PPM1B: variants seen among roughly 807,000 people sequenced by gnomAD.
PPM1B encodes the protein protein phosphatase, Mg2+/Mn2+ dependent 1B, also known as protein phosphatase 1B.
PPM1B carries 22 observed loss-of-function variants against 43.0 expected under a neutral mutation model. That is an observed-to-expected ratio of 0.51 (90% CI 0.37 to 0.73). PPM1B has a LOEUF of 0.73. PPM1B is among the 30% of genes least tolerant of loss of function. The probability of loss-of-function intolerance (pLI) is 0.00; values close to 1 mark genes in which losing one functional copy is unlikely to be tolerated. For synonymous variants in PPM1B, 217 were observed against 197.9 expected (o/e 1.10, Z -0.81); for missense variants, 632 against 584.2 (o/e 1.08, Z -0.84).
downstream of PPM1B, chr2:44,234,699 C>A: frequency 2.6e-6 from 2 of 760,072 alleles, no homozygotes; most frequent in South Asian, 5.9e-5. Flanking sequence ...CACTTATACT[C>A]TTACAAATTG....
intron 1 of PPM1B, among the ~76,000 whole-genome samples, chr2:44,196,520 C>T (rs923261748): frequency 1.3e-5 from 2 of 152,166 alleles, no homozygotes; most frequent in South Asian, 2.1e-4. Flanking sequence ...TTCTCTCCCT[C>T]GTTTTCATTT....
intron 1 of PPM1B, among the ~76,000 whole-genome samples, chr2:44,196,063 A>T (rs1240102463): frequency 1.3e-5 from 2 of 152,224 alleles, no homozygotes; most frequent in African/African-American, 4.8e-5. Flanking sequence ...AGAACTGTCC[A>T]CTTGAACCCT....
In PPM1B at chr2:44,216,666, G is replaced by A. The variant is rs1669732972; in HGVS notation, c.965-1301G>A. On this transcript the variant is annotated intron_variant, in intron 3 of 5. Transcript: ENST00000282412. ...TTCATAGCTGGGCGTGGTGGCTCAG[G>A]CCTCTAATCCCAGCATTTTGAGAGG... is the stretch of plus-strand genomic sequence containing the variant. Among the ~76,000 whole-genome samples, 3 of 152,138 alleles carry A rather than the reference G, an allele frequency of 2.0e-5. No individual in the cohort carries two copies. The South Asian group carries it at 6.2e-4, about 31-fold the overall frequency.
intron 3 of PPM1B, among the ~76,000 whole-genome samples, chr2:44,216,035 G>C (rs1436294948): frequency 6.6e-6 from 1 of 152,118 alleles, no homozygotes; most frequent in African/African-American, 2.4e-5. Flanking sequence ...GTTTGTAGGA[G>C]GCATATCATG....
chr2:44,176,437 C>G (rs1050583820), intron 1 of PPM1B, among the ~76,000 whole-genome samples: 1 of 152,154 alleles, frequency 6.6e-6, no homozygotes, highest in Non-Finnish European at 1.5e-5. Flanking sequence ...GCTAATGGAG[C>G]CAATTTGTCT....
At chr2:44,235,198 C>T (rs1172856225), downstream of PPM1B, among the ~76,000 whole-genome samples, 2 of 152,136 alleles carry the variant, frequency 1.3e-5, no homozygotes, top group Non-Finnish European at 2.9e-5. Flanking sequence ...TTGAATGGAC[C>T]TTCTGGCTAT....
chr2:44,244,163 C>T, intron 5 of PPM1B: 3 of 856,708 alleles, frequency 3.5e-6, no homozygotes, highest in Non-Finnish European at 4.4e-6. Flanking sequence ...TTACCAACCC[C>T]AATCCTGCAA....
Position 44,214,944 on chromosome 2 carries a change from T to G in PPM1B, c.965-3023T>G, listed in dbSNP as rs1157633664. ...CAGCAAACTGTAACTTTATATGAAC[T>G]CTTAACTTCTGTAATAGCCACATTT... On this transcript the variant is annotated intron_variant, in intron 3 of 5. Coordinates refer to ENST00000282412, the MANE Select transcript of PPM1B (RefSeq NM_002706.6). Among the ~76,000 whole-genome samples, 7 of 152,348 alleles carry G rather than the reference T, an allele frequency of 4.6e-5. No homozygotes were observed. The South Asian group carries it at 1.4e-3, about 32-fold the overall frequency.
intron 5 of PPM1B, among the ~76,000 whole-genome samples, chr2:44,221,952 AC>A (rs1482752374): frequency 6.6e-6 from 1 of 152,120 alleles, no homozygotes; most frequent in Non-Finnish European, 1.5e-5. Flanking sequence ...CCATCTTCTT[AC>A]CACAAACAAT....
chr2:44,202,220 G>C (rs934756482), intron 2 of PPM1B, among the ~76,000 whole-genome samples, 175 bp downstream of exon 2: 2 of 152,112 alleles, frequency 1.3e-5, no homozygotes, highest in African/African-American at 4.8e-5. Context: ...GTTTGTCCCA[G>C]CCTTCTAATT....
At chr2:44,227,518 C>CTTTTT (rs397964846) in intron 5 of PPM1B, among the ~76,000 whole-genome samples, 1 of 138,976 alleles carries the variant, frequency 7.2e-6, no homozygotes. Context: ...ACAGTATCAT[C>CTTTTT]TTTTTTTTTT....
intron 1 of PPM1B, among the ~76,000 whole-genome samples, chr2:44,186,346 A>G (rs977285551): frequency 6.6e-6 from 1 of 152,164 alleles, no homozygotes; most frequent in Non-Finnish European, 1.5e-5. Context: ...ATAGAAGCAC[A>G]TTATTTTAAA....
In PPM1B at chr2:44,201,390, G is replaced by C; in HGVS notation, c.191G>C (p.Gly64Ala). 1 of 1,614,108 alleles carries C rather than the reference G, an allele frequency of 6.2e-7. No homozygotes were observed. The change falls in exon 2 of 6, where the codon GGA (glycine) becomes GCA (alanine). Residue 64 changes from glycine to alanine, a missense_variant. Physicochemically the swap from Gly to Ala is moderately conservative, Grantham distance 60 (BLOSUM62 0). Transcript: ENST00000282412. This position sits in a 1 kb window ranked among gnomAD's most constrained non-coding sequence, Gnocchi z 5.4. ...TTTGCAGTTTATGATGGTCATGCTG[G>C]ATCCCGAGTGGCAAATTACTGCTCA... ...SFFAVYDGHA[G>A]SRVANYCSTH...
intron 5 of PPM1B, among the ~76,000 whole-genome samples, chr2:44,223,962 C>T (rs528065371): frequency 8.6e-4 from 130 of 150,690 alleles, no homozygotes; most frequent in Non-Finnish European, 1.5e-3. Flanking sequence ...TAAAATTATT[C>T]ATTAAATTTG....
At chr2:44,227,353 GTGGAAAAT>G (rs1049614769) in intron 5 of PPM1B, among the ~76,000 whole-genome samples, 1 of 152,094 alleles carries the variant, frequency 6.6e-6, no homozygotes, top group African/African-American at 2.4e-5. Context: ...TATGCTTGTT[GTGGAAAAT>G]TGGAAAATTC....
At chr2:44,246,469 T>C (rs1670855350), downstream of PPM1B, among the ~76,000 whole-genome samples, 2 of 152,170 alleles carry the variant, frequency 1.3e-5, no homozygotes, top group African/African-American at 2.4e-5. Context: ...AAACCTCCCA[T>C]ACTGAATGAA....
chr2:44,245,344 C>G (rs1670836784), downstream of PPM1B, among the ~76,000 whole-genome samples: 1 of 152,150 alleles, frequency 6.6e-6, no homozygotes, highest in African/African-American at 2.4e-5. Flanking sequence ...TTTCAGCAGC[C>G]TCTAGTGTGA....
downstream of PPM1B, chr2:44,232,854 A>G (rs1670507029): frequency 3.1e-6 from 3 of 970,316 alleles, no homozygotes; most frequent in Non-Finnish European, 3.7e-6. Context: ...TTTATTATTG[A>G]TTGTTATTTA....
chr2:44,230,580 C>A lies in PPM1B; in HGVS notation c.1302C>A (p.Ala434=). 1 of 1,614,142 alleles carries A rather than the reference C, an allele frequency of 6.2e-7. No individual in the cohort carries two copies. The highest frequency in any genetic ancestry group is 1.7e-5 in the Admixed American group (1 of 60,010). ...EGEESPAEPA[A]TATSSNSDAG... is the part of the protein sequence containing the mutation. ...AAGAAAGCCCTGCTGAACCAGCTGC[C>A]ACAGCTACTTCTTCGAACAGTGATG... The change falls in exon 6 of 6, where the codon GCC becomes GCA. Residue 434 remains alanine (A), a synonymous_variant. Coordinates refer to ENST00000282412, the MANE Select transcript of PPM1B (RefSeq NM_002706.6).
Sources: gnomAD v4.1 joint callset for allele counts (sites outside exome capture counted in the v4.1 genomes callset) on GRCh38, gnomAD v4.1.1 for gene constraint, Gnocchi (gnomAD v3.1) non-coding constraint, MANE v1.5 for transcripts, NCBI Gene and HGNC (gene_info 2026-07-23, HGNC 2026-07-21) for gene names.